Variants in GNA14 observed in about 807,000 individuals in gnomAD.
GNA14 encodes the protein guanine nucleotide-binding protein subunit alpha-14.
A neutral mutation model predicts 42.0 loss-of-function variants in GNA14; 50 were observed. The observed-to-expected ratio is 1.19, with a 90% CI of 0.95 to 1.51. The LOEUF (loss-of-function observed/expected upper bound fraction) is 1.51. GNA14 is among the 40% of genes most tolerant of loss of function. GNA14 has a pLI of 0.00. For missense variants in GNA14, 473 were observed against 446.2 expected, an observed-to-expected ratio of 1.06 and a Z score of -0.54; for synonymous variants, 173 against 163.1, an observed-to-expected ratio of 1.06 and a Z score of -0.46.
At chr9:77,646,934 G>A (rs1316900489) in intron 1 of GNA14, among the ~76,000 whole-genome samples, 2 of 152,298 alleles carry the variant, frequency 1.3e-5, no homozygotes, top group East Asian at 3.9e-4. Context: ...GAGGCACCAG[G>A]GCAGCCAAGC....
chr9:77,504,949 T>C (rs940488237), intron 2 of GNA14, among the ~76,000 whole-genome samples: 6 of 152,108 alleles, frequency 3.9e-5, no homozygotes, highest in African/African-American at 1.4e-4. Flanking sequence ...TACAGGCATA[T>C]GAGCCACCGT....
At chr9:77,644,573 C>G (rs1824325668) in intron 1 of GNA14, among the ~76,000 whole-genome samples, 1 of 152,062 alleles carries the variant, frequency 6.6e-6, no homozygotes, top group African/African-American at 2.4e-5. Flanking sequence ...ACCTGCCAAG[C>G]CAACACCTTG....
intron 1 of GNA14, among the ~76,000 whole-genome samples, chr9:77,618,612 A>T (rs1294006833): frequency 2.4e-3 from 33 of 13,482 alleles, no homozygotes; most frequent in African/African-American, 6.4e-3. Context: ...ATATATATAT[A>T]TATATATATT....
chr9:77,565,920 A>G (rs1235457990), intron 1 of GNA14, among the ~76,000 whole-genome samples: 1 of 152,114 alleles, frequency 6.6e-6, no homozygotes, highest in Admixed American at 6.5e-5. Flanking sequence ...ACTACTATAC[A>G]TCAGTTGTTC....
chr9:77,606,563 G>A (rs1183674385), intron 1 of GNA14, among the ~76,000 whole-genome samples: 1 of 152,178 alleles, frequency 6.6e-6, no homozygotes, highest in African/African-American at 2.4e-5. Flanking sequence ...TAGATGCTAT[G>A]TCTCATGCAT....
Position 77,425,674 on chromosome 9 carries a change from G to T in GNA14, c.765C>A (p.Ile255=), listed in dbSNP as rs1434475057. ...EESKALFKTI[I]TYPWFLNSSV... is the part of the protein sequence containing the mutation. ...ACGAATTCAGAAACCAGGGGTAGGT[G>T]ATGATGGTTTTAAATAAGGCTTTGC... The change falls in exon 6 of 7, where the codon ATC becomes ATA. Residue 255 remains isoleucine, a synonymous_variant. Transcript: ENST00000341700. 1 of 1,609,878 alleles carries T rather than the reference G, an allele frequency of 6.2e-7. No homozygotes were observed.
At chr9:77,643,014 C>A (rs62574867) in intron 1 of GNA14, among the ~76,000 whole-genome samples, 1 of 152,132 alleles carries the variant, frequency 6.6e-6, no homozygotes, top group Admixed American at 6.5e-5. Flanking sequence ...TCCCCCTTTA[C>A]GCTCTGCCTG....
chr9:77,571,829 A>G lies in GNA14; in HGVS notation c.125-42576T>C, dbSNP rs192893042. Reference sequence around the variant, plus strand: ...GACTTATTATTTTTAAGAGTGTAAAATATCTCATTAATTTTTATATTAAGT... The same window carrying G: ...GACTTATTATTTTTAAGAGTGTAAAGTATCTCATTAATTTTTATATTAAGT... On this transcript the variant is annotated intron_variant, in intron 1 of 6. Transcript: ENST00000341700. Among the ~76,000 whole-genome samples the G allele has an allele frequency of 2.8e-3, 421 of 152,226 alleles. 8 individuals carry two copies. The highest frequency in any genetic ancestry group is 9.6e-4 in the Non-Finnish European group (65 of 68,008).
At chr9:77,569,689 G>C (rs1020514551) in intron 1 of GNA14, among the ~76,000 whole-genome samples, 1 of 152,146 alleles carries the variant, frequency 6.6e-6, no homozygotes, top group Non-Finnish European at 1.5e-5. Flanking sequence ...CAGGGGCTGT[G>C]TCTGCCCCTG....
At chr9:77,538,495 G>T (rs571187133) in intron 1 of GNA14, among the ~76,000 whole-genome samples, 19 of 151,952 alleles carry the variant, frequency 1.3e-4, no homozygotes, top group Non-Finnish European at 2.6e-4. Context: ...GATAAGGATT[G>T]CATTAAACCT....
At chr9:77,437,276 G>A (rs1167710400) in intron 2 of GNA14, among the ~76,000 whole-genome samples, 1 of 152,210 alleles carries the variant, frequency 6.6e-6, no homozygotes, top group Non-Finnish European at 1.5e-5. Flanking sequence ...CAAGTGCAGT[G>A]GCTCACGCCT....
At chr9:77,492,826 C>A (rs1028773873) in intron 2 of GNA14, among the ~76,000 whole-genome samples, 1 of 151,200 alleles carries the variant, frequency 6.6e-6, no homozygotes, top group Non-Finnish European at 1.5e-5. Flanking sequence ...ACATAATGAA[C>A]CCCATCTCAG....
chr9:77,500,312 C>T (rs1212258905), intron 2 of GNA14, among the ~76,000 whole-genome samples: 1 of 152,128 alleles, frequency 6.6e-6, no homozygotes, highest in African/African-American at 2.4e-5. Flanking sequence ...GCCACTGTGC[C>T]CGGCCAATAA....
intron 1 of GNA14, among the ~76,000 whole-genome samples, chr9:77,618,795 G>A (rs1031105792): frequency 2.0e-5 from 3 of 146,664 alleles, no homozygotes; most frequent in African/African-American, 7.6e-5. Flanking sequence ...CACTACGCCC[G>A]GCTAATTTTT....
chr9:77,627,702 CT>C (rs1238745098), intron 1 of GNA14, among the ~76,000 whole-genome samples: 1 of 152,126 alleles, frequency 6.6e-6, no homozygotes, highest in Non-Finnish European at 1.5e-5. Flanking sequence ...CCCATTCATG[CT>C]AAAAACTCTC....
intron 2 of GNA14, among the ~76,000 whole-genome samples, chr9:77,469,534 C>CA (rs11406003): frequency 0.56 from 81,722 of 144,792 alleles, 25,043 homozygotes; most frequent in African/African-American, 0.82. Flanking sequence ...GACTGACAAC[C>CA]AAAAAAAAAA....
intron 1 of GNA14, among the ~76,000 whole-genome samples, chr9:77,621,546 T>A (rs1823922173): frequency 6.6e-6 from 1 of 152,030 alleles, no homozygotes; most frequent in Non-Finnish European, 1.5e-5. Flanking sequence ...TTGGCTTACG[T>A]AAAACAAACC....
intron 1 of GNA14, among the ~76,000 whole-genome samples, chr9:77,542,585 C>T (rs1837673887): frequency 6.6e-6 from 1 of 152,124 alleles, no homozygotes; most frequent in African/African-American, 2.4e-5. Flanking sequence ...GACCACTGGG[C>T]AGCAGGTATG....
intron 2 of GNA14, among the ~76,000 whole-genome samples, chr9:77,435,234 G>A (rs1009603160): frequency 2.0e-5 from 3 of 151,962 alleles, no homozygotes; most frequent in Admixed American, 1.3e-4. Flanking sequence ...GCGCGTGCCT[G>A]TAATCCCAGC....
Sources: gnomAD v4.1 joint callset for allele counts (sites outside exome capture counted in the v4.1 genomes callset) on GRCh38, gnomAD v4.1.1 for gene constraint, MANE v1.5 for transcripts, NCBI Gene and HGNC (gene_info 2026-07-23, HGNC 2026-07-21) for gene names.